SORCS3: variants seen among roughly 807,000 people sequenced by gnomAD.
SORCS3 encodes sortilin related VPS10 domain containing receptor 3.
Under a neutral mutation model 146.3 loss-of-function variants are expected in SORCS3, and 57 were observed. The observed-to-expected ratio is 0.39, with a 90% CI of 0.31 to 0.49. The LOEUF (loss-of-function observed/expected upper bound fraction) is 0.49. SORCS3 is among the 20% of genes least tolerant of loss of function. SORCS3 has a pLI of 0.92. For synonymous variants in SORCS3, 653 were observed against 618.5 expected, an observed-to-expected ratio of 1.06 and a Z score of -0.83; for missense variants, 1,341 against 1,575.5, an observed-to-expected ratio of 0.85 and a Z score of 2.52.
chr10:104,796,132 C>T (rs572106242), intron 1 of SORCS3, among the ~76,000 whole-genome samples: 33 of 152,296 alleles, frequency 2.2e-4, no homozygotes, highest in African/African-American at 6.5e-4. Context: ...GTCTCCCAGA[C>T]GAGTAGAGCA....
At chr10:104,907,016 G>T (rs187805021) in intron 2 of SORCS3, among the ~76,000 whole-genome samples, 2 of 151,800 alleles carry the variant, frequency 1.3e-5, no homozygotes, top group Non-Finnish European at 2.9e-5. Context: ...GTATTGCCTT[G>T]TTGTGTCTGG....
chr10:105,132,881 C>T (rs545791232), intron 7 of SORCS3, among the ~76,000 whole-genome samples: 4 of 151,998 alleles, frequency 2.6e-5, no homozygotes, highest in Admixed American at 6.6e-5. Flanking sequence ...AAGGTGTCAC[C>T]GAAAGGAAAA....
At chr10:105,168,787 T>G (rs1564773748) in intron 13 of SORCS3, among the ~76,000 whole-genome samples, 1 of 152,144 alleles carries the variant, frequency 6.6e-6, no homozygotes, top group Admixed American at 6.6e-5. Flanking sequence ...TACCAGTTTC[T>G]TAAAGCTTAA....
At chr10:104,671,655 T>C (rs578210994) in intron 1 of SORCS3, among the ~76,000 whole-genome samples, 5 of 152,150 alleles carry the variant, frequency 3.3e-5, no homozygotes, top group Non-Finnish European at 5.9e-5. Context: ...TTTCCTTCTA[T>C]TCCTAGTTTG....
chr10:104,879,752 A>G (rs1429617670), intron 2 of SORCS3, among the ~76,000 whole-genome samples: 1 of 152,210 alleles, frequency 6.6e-6, no homozygotes, highest in African/African-American at 2.4e-5. Context: ...TCTTCTAGAC[A>G]GGTGCTGCCC....
At chr10:105,202,100 G>T (rs906132973) in intron 16 of SORCS3, among the ~76,000 whole-genome samples, 1 of 151,916 alleles carries the variant, frequency 6.6e-6, no homozygotes, top group East Asian at 1.9e-4. Context: ...TCCAGGAATC[G>T]AACTCTCTCC....
chr10:104,959,118 G>T (rs943171872), intron 3 of SORCS3, among the ~76,000 whole-genome samples: 1 of 151,998 alleles, frequency 6.6e-6, no homozygotes, highest in Admixed American at 6.6e-5. Flanking sequence ...ACTCATTTTG[G>T]GCTTCTGACT....
chr10:104,780,910 G>A (rs962907), intron 1 of SORCS3, among the ~76,000 whole-genome samples: 37,835 of 152,166 alleles, frequency 0.25, 5,360 homozygotes, highest in East Asian at 0.65. Context: ...GGTACTAACT[G>A]TAGAATATTG....
At position 104,641,755 on chromosome 10, in the gene SORCS3, G is replaced by A; in HGVS notation, c.428G>A (p.Gly143Glu). The A allele has an allele frequency of 6.5e-7, 1 of 1,546,260 alleles. No homozygotes were observed. Among genetic ancestry groups the A allele is most frequent in the South Asian group, 1.2e-5 (1 of 83,880 alleles). ...CAGCCCCCAATCACCCAGGAACGCGGGGACGCCTGGGCCACTGCTCCGGCC... is the reference window on the plus strand; with the variant it reads ...CAGCCCCCAATCACCCAGGAACGCGAGGACGCCTGGGCCACTGCTCCGGCC... ...RAQPPITQER[G>E]DAWATAPADG... The change falls in exon 1 of 27, where the codon GGG becomes GAG. Residue 143 changes from glycine to glutamate, a missense_variant. Coordinates refer to ENST00000369701, the MANE Select transcript of SORCS3 (RefSeq NM_014978.3). The surrounding 1 kb of genome is among the most constrained non-coding windows in gnomAD (Gnocchi z 6.4).
At chr10:104,684,469 G>A (rs1230285919) in intron 1 of SORCS3, among the ~76,000 whole-genome samples, 1 of 152,200 alleles carries the variant, frequency 6.6e-6, no homozygotes, top group Non-Finnish European at 1.5e-5. Context: ...AGCACCCACT[G>A]TGTGCCCGGC....
At chr10:104,969,151 C>T (rs2054843706) in intron 3 of SORCS3, among the ~76,000 whole-genome samples, 1 of 152,206 alleles carries the variant, frequency 6.6e-6, no homozygotes, top group African/African-American at 2.4e-5. Context: ...AATAATATGG[C>T]CTCCTCCTTT....
intron 1 of SORCS3, among the ~76,000 whole-genome samples, chr10:104,724,436 A>G (rs1011165053): frequency 1.2e-4 from 19 of 152,040 alleles, no homozygotes; most frequent in Admixed American, 1.3e-4. Flanking sequence ...ACTTTGGTGA[A>G]TCTGACAATT....
chr10:104,888,671 T>C lies in SORCS3; in HGVS notation c.696-27162T>C, dbSNP rs568538694. Among the ~76,000 whole-genome samples the C allele has an allele frequency of 2.6e-5, 4 of 152,322 alleles. No homozygotes were observed. In the South Asian group the frequency reaches 8.3e-4, roughly 32 times the overall value. On this transcript the variant is annotated intron_variant, in intron 2 of 26. Coordinates refer to ENST00000369701, the MANE Select transcript of SORCS3 (RefSeq NM_014978.3). Reference sequence around the variant, plus strand: ...CATTTTAAATACTTAACAATTGGTATGACAGGACACCAATCAATCACATAG... The same window carrying C: ...CATTTTAAATACTTAACAATTGGTACGACAGGACACCAATCAATCACATAG...
intron 14 of SORCS3, among the ~76,000 whole-genome samples, chr10:105,187,226 C>G (rs939931080): frequency 8.5e-5 from 13 of 152,272 alleles, no homozygotes; most frequent in Admixed American, 7.8e-4. Flanking sequence ...CCTCTTCCCC[C>G]CATATTTATT....
intron 2 of SORCS3, among the ~76,000 whole-genome samples, chr10:104,888,198 C>T (rs1448748374): frequency 2.0e-5 from 3 of 152,166 alleles, no homozygotes; most frequent in Non-Finnish European, 2.9e-5. Context: ...TAACAGTTAA[C>T]CTCTTTTAAA....
chr10:105,115,672 T>G (rs1354394747), intron 7 of SORCS3, among the ~76,000 whole-genome samples: 2 of 152,144 alleles, frequency 1.3e-5, no homozygotes, highest in South Asian at 4.2e-4. Flanking sequence ...GTACTTCATC[T>G]AAGATCCTGA....
At chr10:104,651,675 C>T (rs191012319) in intron 1 of SORCS3, among the ~76,000 whole-genome samples, 1,728 of 152,076 alleles carry the variant, frequency 0.011, 14 homozygotes, top group Non-Finnish European at 0.017. Context: ...CACTGCATTC[C>T]CCAGCCTGGG....
chr10:104,917,536 T>C (rs915197928), intron 3 of SORCS3, among the ~76,000 whole-genome samples: 1 of 152,216 alleles, frequency 6.6e-6, no homozygotes, highest in African/African-American at 2.4e-5. Flanking sequence ...GAAAATAATA[T>C]ATTGCCATTA....
intron 5 of SORCS3, among the ~76,000 whole-genome samples, chr10:105,082,072 T>C (rs1298959998): frequency 6.6e-6 from 1 of 152,236 alleles, no homozygotes; most frequent in African/African-American, 2.4e-5. Context: ...ATAGGATCAA[T>C]TGATACACTA....
Sources: gnomAD v4.1 joint callset for allele counts (sites outside exome capture counted in the v4.1 genomes callset) on GRCh38, gnomAD v4.1.1 for gene constraint, Gnocchi (gnomAD v3.1) non-coding constraint, MANE v1.5 for transcripts, NCBI Gene and HGNC (gene_info 2026-07-23, HGNC 2026-07-21) for gene names.